The following DOCK4 variants were observed in gnomAD, a reference collection of about 807,000 sequenced individuals.
DOCK4 encodes the protein dedicator of cytokinesis protein 4.
A neutral mutation model predicts 268.1 loss-of-function variants in DOCK4; 97 were observed. The observed-to-expected ratio is 0.36, with a 90% CI of 0.31 to 0.43. The LOEUF is 0.43. DOCK4 is among the 20% of genes least tolerant of loss of function. The probability of loss-of-function intolerance (pLI) is 1.00; values close to 1 mark genes in which losing one functional copy is unlikely to be tolerated. For synonymous variants in DOCK4, 954 were observed against 887.2 expected, an observed-to-expected ratio of 1.08 and a Z score of -1.34; for missense variants, 2,145 against 2,455.7, an observed-to-expected ratio of 0.87 and a Z score of 2.67.
At chr7:111,921,695 G>C (rs557429249) in intron 12 of DOCK4, among the ~76,000 whole-genome samples, 1 of 152,184 alleles carries the variant, frequency 6.6e-6, no homozygotes, top group East Asian at 1.9e-4. Flanking sequence ...AAAGATAAAG[G>C]CACCAATTCC....
chr7:111,990,937 C>T (rs531253838), intron 5 of DOCK4, among the ~76,000 whole-genome samples: 83 of 152,182 alleles, frequency 5.5e-4, no homozygotes, highest in African/African-American at 1.9e-3. Flanking sequence ...TCTGTACAGG[C>T]GATACAAACA....
chr7:111,880,659 C>T lies in DOCK4; in HGVS notation c.1588-3473G>A, dbSNP rs866743539. Among the ~76,000 whole-genome samples, 9 of 152,160 alleles carry T rather than the reference C, an allele frequency of 5.9e-5. No homozygotes were observed. The East Asian group carries it at 9.6e-4, about 16-fold the overall frequency. On this transcript the variant is annotated intron_variant, in intron 16 of 52. Transcript: ENST00000428084. Reference sequence around the variant, plus strand: ...GAACAAAACTGGAGGAATCACATTACGTTACTTTGAATTCTACTACAGAGC... The same window carrying T: ...GAACAAAACTGGAGGAATCACATTATGTTACTTTGAATTCTACTACAGAGC...
At chr7:112,019,801 T>TA (rs1802158707) in intron 1 of DOCK4, among the ~76,000 whole-genome samples, 1 of 152,190 alleles carries the variant, frequency 6.6e-6, no homozygotes, top group Non-Finnish European at 1.5e-5. Flanking sequence ...GTTCAATCTT[T>TA]AAACTTTTTA....
chr7:112,105,171 G>A (rs949936100), intron 1 of DOCK4, among the ~76,000 whole-genome samples: 6 of 152,088 alleles, frequency 3.9e-5, no homozygotes, highest in Admixed American at 1.3e-4. Flanking sequence ...AATATGTTTA[G>A]GGTAACTCAT....
At chr7:111,823,590 A>G (rs1034414588) in intron 26 of DOCK4, among the ~76,000 whole-genome samples, 1 of 152,128 alleles carries the variant, frequency 6.6e-6, no homozygotes, top group Admixed American at 6.5e-5. Flanking sequence ...TCAAGGAGAT[A>G]ATGTACCACA....
intron 10 of DOCK4, among the ~76,000 whole-genome samples, chr7:111,943,812 C>T (rs1319516247): frequency 6.6e-6 from 1 of 152,132 alleles, no homozygotes; most frequent in Admixed American, 6.5e-5. Flanking sequence ...AAAAAACATA[C>T]AGAAAATCTA....
intron 6 of DOCK4, among the ~76,000 whole-genome samples, chr7:111,984,908 A>C (rs1798933405): frequency 6.6e-6 from 1 of 152,222 alleles, no homozygotes; most frequent in Non-Finnish European, 1.5e-5. Context: ...TTCTGAGGTC[A>C]GTCGTTAGGA....
intron 8 of DOCK4, among the ~76,000 whole-genome samples, chr7:111,947,325 G>A (rs1358628647): frequency 6.6e-6 from 1 of 152,164 alleles, no homozygotes; most frequent in African/African-American, 2.4e-5. Context: ...ATTCTCTTTG[G>A]TGATCTAAGT....
Position 111,924,388 on chromosome 7 carries a change from T to C in DOCK4, c.1067-8484A>G, listed in dbSNP as rs1430444305. The stretch of plus-strand genomic sequence containing the variant: ...GGGGAAATGTGATATGCTAGTAGCC[T>C]ACCCTCTCCTGGTGAGATACCATAT... On this transcript the variant is annotated intron_variant, in intron 12 of 52. Transcript: ENST00000428084. Among the ~76,000 whole-genome samples the C allele has an allele frequency of 3.3e-5, 5 of 152,192 alleles. No individual in the cohort carries two copies. In the East Asian group the frequency reaches 9.6e-4, roughly 29 times the overall value.
chr7:112,103,493 T>A (rs1810867216), intron 1 of DOCK4, among the ~76,000 whole-genome samples: 1 of 152,216 alleles, frequency 6.6e-6, no homozygotes, highest in Admixed American at 6.5e-5. Context: ...TTAGGCAAAT[T>A]AGGGCTGCAG....
At chr7:112,013,103 A>G (rs932409072) in intron 1 of DOCK4, among the ~76,000 whole-genome samples, 1 of 152,216 alleles carries the variant, frequency 6.6e-6, no homozygotes, top group African/African-American at 2.4e-5. Context: ...CGTTCTCTCC[A>G]GCATAATATT....
At chr7:112,182,216 G>A (rs545961920) in intron 1 of DOCK4, among the ~76,000 whole-genome samples, 7 of 152,188 alleles carry the variant, frequency 4.6e-5, no homozygotes, top group South Asian at 2.1e-4. Flanking sequence ...AATAGTGCCC[G>A]GCATGCAGAA....
At chr7:111,913,449 G>A (rs1192439466) in intron 13 of DOCK4, among the ~76,000 whole-genome samples, 13 of 142,646 alleles carry the variant, frequency 9.1e-5, no homozygotes, top group East Asian at 2.1e-4. Flanking sequence ...TCGCTCTGTC[G>A]CCCAGGCTGG....
intron 1 of DOCK4, among the ~76,000 whole-genome samples, chr7:112,088,912 C>T (rs549947555): frequency 2.6e-5 from 4 of 152,206 alleles, no homozygotes; most frequent in Middle Eastern, 6.8e-3. Flanking sequence ...ATTTAAAGAG[C>T]TTACAGTAAC....
intron 28 of DOCK4, 57 bp downstream of exon 28, chr7:111,811,817 A>G (rs894300509): frequency 1.9e-6 from 2 of 1,029,074 alleles, no homozygotes; most frequent in Non-Finnish European, 2.9e-6. Flanking sequence ...GTAATTTCCT[A>G]TAATACAATG....
Position 112,075,081 on chromosome 7 carries a change from T to C in DOCK4, c.38-70950A>G, listed in dbSNP as rs142515348. ...TAACTGTTGTGGTTTCTGTCCCTGA[T>C]TGGACTCCACTGATACACTATCTGT... On this transcript the variant is annotated intron_variant, in intron 1 of 52. Coordinates refer to ENST00000428084, the MANE Select transcript of DOCK4 (RefSeq NM_001363540.2). 4.0e-3 allele frequency among the ~76,000 whole-genome samples: 606 copies of C among 152,298 alleles called. 3 individuals carry two copies. Among genetic ancestry groups the C allele is most frequent in the African/African-American group, 0.014 (576 of 41,564 alleles).
At chr7:111,860,960 G>C (rs1027631782) in intron 23 of DOCK4, among the ~76,000 whole-genome samples, 3 of 152,190 alleles carry the variant, frequency 2.0e-5, no homozygotes, top group Admixed American at 6.5e-5. Flanking sequence ...TTTGATGACT[G>C]TCTTGCTCTT....
intron 1 of DOCK4, among the ~76,000 whole-genome samples, chr7:112,030,550 G>A (rs1325082904): frequency 6.6e-6 from 1 of 151,480 alleles, no homozygotes; most frequent in African/African-American, 2.4e-5. Flanking sequence ...TGTAGTTTGA[G>A]GGTTACAGGC....
intron 8 of DOCK4, among the ~76,000 whole-genome samples, chr7:111,958,670 T>A (rs1349801190): frequency 6.6e-6 from 1 of 152,170 alleles, no homozygotes; most frequent in African/African-American, 2.4e-5. Context: ...ACTGACTCTA[T>A]GAGTTTTTGG....
Sources: allele counts gnomAD v4.1 joint callset (sites outside exome capture counted in the v4.1 genomes callset), GRCh38; gene constraint gnomAD v4.1.1; transcripts MANE v1.5; gene names NCBI Gene and HGNC (gene_info 2026-07-23, HGNC 2026-07-21).